Variants in PRAP1 observed in about 807,000 individuals in gnomAD.
PRAP1 encodes the protein proline-rich acidic protein 1.
A neutral mutation model predicts 14.6 loss-of-function variants in PRAP1; 12 were observed. That is an observed-to-expected ratio of 0.82 (90% CI 0.53 to 1.33). The LOEUF (loss-of-function observed/expected upper bound fraction) is 1.33, where lower values mean the gene tolerates loss of function less well. PRAP1 is among the 40% of genes most tolerant of loss of function. PRAP1 has a pLI of 0.00. For missense variants in PRAP1, 160 were observed against 193.7 expected (o/e 0.83, Z 1.03); for synonymous variants, 81 against 80.3 (o/e 1.01, Z -0.04).
Position 133,347,459 on chromosome 10 carries a change from C to T in PRAP1, c.8+34C>T. The T allele has an allele frequency of 6.3e-7, 1 of 1,594,662 alleles. No individual in the cohort carries two copies. Among genetic ancestry groups the T allele is most frequent in the Non-Finnish European group, 8.5e-7 (1 of 1,169,618 alleles). ...ACCATCCCTGAGCCCCAATCCCCAC[C>T]CCACCCAAACCTGGAGGCCTGGCCC... On this transcript the variant is annotated intron_variant, in intron 1 of 4. Coordinates refer to ENST00000433452, the MANE Select transcript of PRAP1 (RefSeq NM_145202.5). This position sits in a 1 kb window ranked among gnomAD's most constrained non-coding sequence, Gnocchi z 5.0.
chr10:133,348,953 G>A (rs994555165), intron 1 of PRAP1, among the ~76,000 whole-genome samples: 5 of 151,908 alleles, frequency 3.3e-5, no homozygotes, highest in Non-Finnish European at 7.4e-5. Flanking sequence ...GAACCACTGC[G>A]CCTGCCCCAG....
At chr10:133,350,316 G>A (rs953537540) in intron 2 of PRAP1, among the ~76,000 whole-genome samples, 155 bp downstream of exon 2, 2 of 152,240 alleles carry the variant, frequency 1.3e-5, no homozygotes, top group Non-Finnish European at 2.9e-5. Flanking sequence ...CTTGATGCCT[G>A]TGCAGGCATG....
At chr10:133,350,187 G>A (rs1848655819) in intron 2 of PRAP1, 26 bp downstream of exon 2, 1 of 1,604,234 alleles carries the variant, frequency 6.2e-7, no homozygotes, top group South Asian at 1.1e-5. Context: ...TCCCATCTGG[G>A]CAGCAACTCC....
At position 133,351,545 on chromosome 10, in the gene PRAP1, G is replaced by A; in HGVS notation, c.128+112G>A. The stretch of plus-strand genomic sequence containing the variant: ...CGGGGCAGATGCAGAGAGGAGCCCT[G>A]TCCAGCAGCTTTTGGAAGGAGGGGG... On this transcript the variant is annotated intron_variant, in intron 3 of 4. Transcript: ENST00000433452. This position sits in a 1 kb window ranked among gnomAD's most constrained non-coding sequence, Gnocchi z 4.3. 2.4e-6 allele frequency: 2 copies of A among 835,554 alleles called. No homozygotes were observed. Among genetic ancestry groups the A allele is most frequent in the South Asian group, 1.7e-5 (1 of 59,062 alleles). The allele number at this position is 835,554 out of a possible 1,614,324, so 51.8% of individuals were successfully genotyped here. A position where few individuals can be genotyped will look rare whatever the true frequency, so the allele number is the denominator to read the frequency against.
chr10:133,352,386 C>T lies in PRAP1; in HGVS notation c.402C>T (p.His134=). 2 of 1,612,974 alleles carry T rather than the reference C, an allele frequency of 1.2e-6. No homozygotes were observed. Among genetic ancestry groups the T allele is most frequent in the African/African-American group, 1.3e-5 (1 of 75,002 alleles). ...ERPRLWVMPN[H]QVLLGPEEDQ... is the part of the protein sequence containing the mutation. ...CCCGGTTGTGGGTGATGCCAAATCA[C>T]CAGGTGCTCCTGGGACCGGAGGAAG... The change falls in exon 5 of 5, where the codon CAC becomes CAT. Residue 134 remains histidine (H), a synonymous_variant. Coordinates refer to ENST00000433452, the MANE Select transcript of PRAP1 (RefSeq NM_145202.5).
chr10:133,350,163 T>G lies in PRAP1; in HGVS notation c.75+2T>G, dbSNP rs751411214. ...GCAGGTGCAGTCCCAGCACCCAAGG[T>G]AGGTGTGAGCCCCTCCCATCTGGGC... is the stretch of plus-strand genomic sequence containing the variant. On this transcript the variant is annotated splice_donor_variant, in intron 2 of 4. Transcript: ENST00000433452. LOFTEE classifies it high-confidence loss of function. The G allele has an allele frequency of 6.2e-7, 1 of 1,612,830 alleles. No homozygotes were observed. The highest frequency in any genetic ancestry group is 8.5e-7 in the Non-Finnish European group (1 of 1,179,590).
At position 133,351,256 on chromosome 10, in the gene PRAP1, T is replaced by TGCCCCCCCCCCCCGCC; in HGVS notation, c.76-119_76-118insCCCCCCCGCCGCCCCC. On this transcript the variant is annotated intron_variant, in intron 2 of 4. Coordinates refer to ENST00000433452, the MANE Select transcript of PRAP1 (RefSeq NM_145202.5). This position sits in a 1 kb window ranked among gnomAD's most constrained non-coding sequence, Gnocchi z 4.3. ...CGCTCGAGCTGTGCTGAGCTGGCCC[T>TGCCCCCCCCCCCCGCC]GCCCCCACCCCCTGCAGCCACCTCC... The TGCCCCCCCCCCCCGCC allele has an allele frequency of 3.2e-6, 2 of 630,358 alleles. No homozygotes were observed. Among genetic ancestry groups the TGCCCCCCCCCCCCGCC allele is most frequent in the Non-Finnish European group, 5.7e-6 (2 of 349,842 alleles). 39.0% of individuals were successfully genotyped at this position (630,358 alleles called of 1,614,324 possible). A position where few individuals can be genotyped will look rare whatever the true frequency, so the allele number is the denominator to read the frequency against.
In PRAP1 at chr10:133,351,208, G is replaced by A. The variant is rs967459295; in HGVS notation, c.76-173G>A. 2.6e-5 allele frequency among the ~76,000 whole-genome samples: 4 copies of A among 152,154 alleles called. No homozygotes were observed. Among genetic ancestry groups the A allele is most frequent in the Admixed American group, 1.3e-4 (2 of 15,268 alleles). On this transcript the variant is annotated intron_variant, in intron 2 of 4. Coordinates refer to ENST00000433452, the MANE Select transcript of PRAP1 (RefSeq NM_145202.5). This position sits in a 1 kb window ranked among gnomAD's most constrained non-coding sequence, Gnocchi z 4.3. Reference sequence around the variant, plus strand: ...ATCCCGGCTTGCAATCCCAACACCCGAGAGTGGCTTGCCCACTAGAGACGC... The same window carrying A: ...ATCCCGGCTTGCAATCCCAACACCCAAGAGTGGCTTGCCCACTAGAGACGC...
At position 133,351,510 on chromosome 10, in the gene PRAP1, C is replaced by T. The variant is rs910527438; in HGVS notation, c.128+77C>T. 16 of 1,178,286 alleles carry T rather than the reference C, an allele frequency of 1.4e-5. No homozygotes were observed. In the South Asian group the frequency reaches 1.5e-4, roughly 11 times the overall value. 73.0% of individuals were successfully genotyped at this position (1,178,286 alleles called of 1,614,324 possible). A position where few individuals can be genotyped will look rare whatever the true frequency, so the allele number is the denominator to read the frequency against. Reference sequence around the variant, plus strand: ...CCGTTCTGCTGGGCCCTTCCTGAACCTGGAGAGCACGGGGCAGATGCAGAG... The same window carrying T: ...CCGTTCTGCTGGGCCCTTCCTGAACTTGGAGAGCACGGGGCAGATGCAGAG... On this transcript the variant is annotated intron_variant, in intron 3 of 4. Coordinates refer to ENST00000433452, the MANE Select transcript of PRAP1 (RefSeq NM_145202.5). This position sits in a 1 kb window ranked among gnomAD's most constrained non-coding sequence, Gnocchi z 4.3.
chr10:133,349,782 T>G (rs1848648750), intron 1 of PRAP1, among the ~76,000 whole-genome samples: 1 of 152,198 alleles, frequency 6.6e-6, no homozygotes, highest in South Asian at 2.1e-4. Flanking sequence ...CACAGAGGCA[T>G]GGCAGAACCT....
chr10:133,352,653 G>A lies in PRAP1; in HGVS notation c.*213G>A, dbSNP rs1398847030. The A allele has an allele frequency of 2.0e-5, 10 of 509,170 alleles. No homozygotes were observed. Among genetic ancestry groups the A allele is most frequent in the African/African-American group, 1.2e-4 (6 of 51,574 alleles). The allele number at this position is 509,170 out of a possible 1,614,324, so 31.5% of individuals were successfully genotyped here. ...AGCCTGGGCAACATGGTGAAACCCC[G>A]TCTCTACTAAAAATACAAAAATTAG... On this transcript the variant is annotated 3_prime_UTR_variant, in exon 5 of 5. Coordinates refer to ENST00000433452, the MANE Select transcript of PRAP1 (RefSeq NM_145202.5).
At chr10:133,348,065 G>C (rs1173846937) in intron 1 of PRAP1, among the ~76,000 whole-genome samples, 1 of 152,152 alleles carries the variant, frequency 6.6e-6, no homozygotes, top group African/African-American at 2.4e-5. Flanking sequence ...AGAGCCGTTT[G>C]CCTGGAGAGG....
chr10:133,351,961 C>T lies in PRAP1; in HGVS notation c.129-46C>T. On this transcript the variant is annotated intron_variant, in intron 3 of 4. Transcript: ENST00000433452. The surrounding 1 kb of genome is among the most constrained non-coding windows in gnomAD (Gnocchi z 4.3). ...GGCACCCTCCTGCGGGGGGTTCTGT[C>T]CACCTCCCCCACCTGCATGTGGACC... 1.3e-6 allele frequency: 2 copies of T among 1,599,330 alleles called. No homozygotes were observed. The highest frequency in any genetic ancestry group is 1.7e-6 in the Non-Finnish European group (2 of 1,175,220).
At position 133,351,214 on chromosome 10, in the gene PRAP1, G is replaced by A. The variant is rs926017920; in HGVS notation, c.76-167G>A. On this transcript the variant is annotated intron_variant, in intron 2 of 4. Transcript: ENST00000433452. This position sits in a 1 kb window ranked among gnomAD's most constrained non-coding sequence, Gnocchi z 4.3. ...GCTTGCAATCCCAACACCCGAGAGT[G>A]GCTTGCCCACTAGAGACGCTCGAGC... 2.0e-5 allele frequency among the ~76,000 whole-genome samples: 3 copies of A among 152,132 alleles called. No homozygotes were observed. The highest frequency in any genetic ancestry group is 4.4e-5 in the Non-Finnish European group (3 of 68,002).
In PRAP1 at chr10:133,347,496, G is replaced by A; in HGVS notation, c.8+71G>A. 2 of 1,507,544 alleles carry A rather than the reference G, an allele frequency of 1.3e-6. No homozygotes were observed. The highest frequency in any genetic ancestry group is 1.8e-6 in the Non-Finnish European group (2 of 1,107,410). The allele number at this position is 1,507,544 out of a possible 1,614,324, so 93.4% of individuals were successfully genotyped here. A position where few individuals can be genotyped will look rare whatever the true frequency, so the allele number is the denominator to read the frequency against. ...TGGAGGCCTGGCCCTTAGCCAGAGG[G>A]GGCCCAGCTGTGCTGCGCTCCAGGG... is the stretch of plus-strand genomic sequence containing the variant. On this transcript the variant is annotated intron_variant, in intron 1 of 4. Coordinates refer to ENST00000433452, the MANE Select transcript of PRAP1 (RefSeq NM_145202.5). The surrounding 1 kb of genome is among the most constrained non-coding windows in gnomAD (Gnocchi z 5.0).
At position 133,347,914 on chromosome 10, in the gene PRAP1, G is replaced by A. The variant is rs1472304814; in HGVS notation, c.8+489G>A. On this transcript the variant is annotated intron_variant, in intron 1 of 4. Coordinates refer to ENST00000433452, the MANE Select transcript of PRAP1 (RefSeq NM_145202.5). The surrounding 1 kb of genome is among the most constrained non-coding windows in gnomAD (Gnocchi z 5.0). ...CTGTCTTCCCCCTCCTTGTGTGGGG[G>A]ACCCCTCTCCCCGCTCCTGTGGAGG... is the stretch of plus-strand genomic sequence containing the variant. 6.6e-6 allele frequency among the ~76,000 whole-genome samples: 1 copy of A among 152,118 alleles called. No homozygotes were observed. The highest frequency in any genetic ancestry group is 2.4e-5 in the African/African-American group (1 of 41,450).
At position 133,348,573 on chromosome 10, in the gene PRAP1, G is replaced by A. The variant is rs140526819; in HGVS notation, c.8+1148G>A. On this transcript the variant is annotated intron_variant, in intron 1 of 4. Transcript: ENST00000433452. ...CGCCCAGGCTGGAGGGACTGCAGTG[G>A]CGCCATCTTGGCTCATTGAAACCTC... Among the ~76,000 whole-genome samples the A allele has an allele frequency of 6.7e-3, 1,014 of 151,982 alleles. 10 individuals carry two copies. The highest frequency in any genetic ancestry group is 0.034 in the Middle Eastern group (10 of 294).
At position 133,349,991 on chromosome 10, in the gene PRAP1, G is replaced by T. The variant is rs1347687859; in HGVS notation, c.9-104G>T. 1.2e-5 allele frequency: 12 copies of T among 988,538 alleles called. No homozygotes were observed. The South Asian group carries it at 1.7e-4, about 14-fold the overall frequency. The allele number at this position is 988,538 out of a possible 1,614,324, so 61.2% of individuals were successfully genotyped here. On this transcript the variant is annotated intron_variant, in intron 1 of 4. Coordinates refer to ENST00000433452, the MANE Select transcript of PRAP1 (RefSeq NM_145202.5). Reference sequence around the variant, plus strand: ...CCAGTAAAACTACCTGCGCTCCCAAGGAGGAACCCAGCCCAGGCCTCCCAG... The same window carrying T: ...CCAGTAAAACTACCTGCGCTCCCAATGAGGAACCCAGCCCAGGCCTCCCAG...
chr10:133,350,401 A>C (rs1043639981), intron 2 of PRAP1, among the ~76,000 whole-genome samples: 1 of 152,034 alleles, frequency 6.6e-6, no homozygotes, highest in Non-Finnish European at 1.5e-5. Flanking sequence ...TAGGTGGATG[A>C]TGTGGGTCCA....
Sources: gnomAD v4.1 joint callset for allele counts (sites outside exome capture counted in the v4.1 genomes callset) on GRCh38, gnomAD v4.1.1 for gene constraint, Gnocchi (gnomAD v3.1) non-coding constraint, MANE v1.5 for transcripts, NCBI Gene and HGNC (gene_info 2026-07-23, HGNC 2026-07-21) for gene names.